UBASH3B: variants seen among roughly 807,000 people sequenced by gnomAD.
The protein encoded by UBASH3B is ubiquitin-associated and SH3 domain-containing protein B.
A neutral mutation model predicts 83.4 loss-of-function variants in UBASH3B; 37 were observed. The ratio of observed to expected loss-of-function variants is 0.44; its 90% CI spans 0.34 to 0.58. UBASH3B has a LOEUF of 0.58. Ranked by LOEUF, UBASH3B falls within the 20% of genes least tolerant of loss-of-function variation. The pLI, the probability that UBASH3B is intolerant of heterozygous loss-of-function variation, is 0.01. For missense variants in UBASH3B, 657 were observed against 827.2 expected (o/e 0.79, Z 2.52); for synonymous variants, 304 against 318.3 (o/e 0.96, Z 0.48).
In UBASH3B at chr11:122,777,051, C is replaced by T. The variant is rs780323668; in HGVS notation, c.243C>T (p.Phe81=). The T allele has an allele frequency of 1.9e-6, 3 of 1,612,660 alleles. No homozygotes were observed. Among genetic ancestry groups the T allele is most frequent in the Admixed American group, 1.7e-5 (1 of 59,816 alleles). The stretch of plus-strand genomic sequence containing the variant: ...TATTCTCCCATGTCGGTGACCCCTT[C>T]CTGGATGACCCCCTGCCCCGGGAGT... ...DWLFSHVGDP[F]LDDPLPREYV... is the part of the protein sequence containing the mutation. The change falls in exon 3 of 14, where the codon TTC becomes TTT. Residue 81 remains phenylalanine, a synonymous_variant. Transcript: ENST00000284273.
intron 1 of UBASH3B, among the ~76,000 whole-genome samples, chr11:122,747,539 A>C (rs942327205): frequency 1.3e-5 from 2 of 152,186 alleles, no homozygotes; most frequent in Non-Finnish European, 2.9e-5. Flanking sequence ...GAGAGTTATG[A>C]GACTTGACTG....
intron 1 of UBASH3B, among the ~76,000 whole-genome samples, chr11:122,658,604 G>C (rs1230548881): frequency 6.6e-6 from 1 of 152,200 alleles, no homozygotes; most frequent in Admixed American, 6.5e-5. Flanking sequence ...GGCAACTGAG[G>C]TTTAGAAGGG....
At chr11:122,713,501 C>T (rs73016294) in intron 1 of UBASH3B, among the ~76,000 whole-genome samples, 19,341 of 152,162 alleles carry the variant, frequency 0.13, 1,373 homozygotes, top group African/African-American at 0.18. Context: ...AGATATATTA[C>T]AGCTTTAGCC....
At chr11:122,695,837 GT>G (rs1863958678) in intron 1 of UBASH3B, among the ~76,000 whole-genome samples, 1 of 152,200 alleles carries the variant, frequency 6.6e-6, no homozygotes, top group South Asian at 2.1e-4. Context: ...AAAAAATGAA[GT>G]TTTCATTTAG....
chr11:122,792,618 CA>C (rs1298356786), intron 6 of UBASH3B, among the ~76,000 whole-genome samples: 7 of 152,142 alleles, frequency 4.6e-5, no homozygotes, highest in Admixed American at 4.6e-4. Context: ...TGTGCCCAGC[CA>C]AACTGGATTT....
At chr11:122,775,180 G>A (rs531386460) in intron 1 of UBASH3B, among the ~76,000 whole-genome samples, 1 of 152,364 alleles carries the variant, frequency 6.6e-6, no homozygotes, top group Admixed American at 6.5e-5. Flanking sequence ...CTGAATAAAT[G>A]TAAGCATGAA....
intron 1 of UBASH3B, among the ~76,000 whole-genome samples, chr11:122,667,368 A>G (rs1305726611): frequency 6.6e-6 from 1 of 152,078 alleles, no homozygotes; most frequent in African/African-American, 2.4e-5. Context: ...CTCTCTGTAT[A>G]TGTATGTATA....
At chr11:122,733,911 A>G (rs1235357535) in intron 1 of UBASH3B, among the ~76,000 whole-genome samples, 1 of 151,988 alleles carries the variant, frequency 6.6e-6, no homozygotes, top group East Asian at 1.9e-4. Context: ...TTTGAGACAG[A>G]GTCTCACTCT....
chr11:122,775,271 T>TA (rs1387828058), intron 1 of UBASH3B, among the ~76,000 whole-genome samples: 2 of 152,266 alleles, frequency 1.3e-5, no homozygotes, highest in African/African-American at 4.8e-5. Context: ...GACCTGTGTA[T>TA]ACTTTAAGAA....
chr11:122,658,773 C>T (rs1025546623), intron 1 of UBASH3B, among the ~76,000 whole-genome samples: 3 of 152,214 alleles, frequency 2.0e-5, no homozygotes, highest in African/African-American at 7.2e-5. Context: ...GTTCCTGGCA[C>T]ATAGTGAGCA....
intron 3 of UBASH3B, among the ~76,000 whole-genome samples, chr11:122,778,631 G>T (rs928302218): frequency 3.0e-5 from 4 of 132,652 alleles, no homozygotes; most frequent in Non-Finnish European, 4.6e-5. Flanking sequence ...TGGATATATA[G>T]TCTCTCTCTG....
intron 1 of UBASH3B, among the ~76,000 whole-genome samples, chr11:122,769,393 G>C (rs1238968401): frequency 6.6e-6 from 1 of 152,202 alleles, no homozygotes; most frequent in Non-Finnish European, 1.5e-5. Flanking sequence ...ATTTCAACAT[G>C]AGACTTGGTG....
intron 1 of UBASH3B, among the ~76,000 whole-genome samples, chr11:122,727,996 T>C (rs1448942559): frequency 7.4e-6 from 1 of 134,800 alleles, no homozygotes; most frequent in Non-Finnish European, 1.6e-5. Context: ...GCCCATCTTA[T>C]CATTATTATT....
chr11:122,706,106 C>CTTTTTTTTTTTTTTTCTT (rs36055058), intron 1 of UBASH3B, among the ~76,000 whole-genome samples: 1 of 127,034 alleles, frequency 7.9e-6, no homozygotes, highest in Non-Finnish European at 1.6e-5. Flanking sequence ...TCTTTTCTTT[C>CTTTTTTTTTTTTTTTCTT]TTTTTTTTTT....
chr11:122,761,022 C>T (rs1018916413), intron 1 of UBASH3B, among the ~76,000 whole-genome samples: 5 of 152,172 alleles, frequency 3.3e-5, no homozygotes, highest in African/African-American at 4.8e-5. Context: ...GGTTTGACTG[C>T]GCAGGAGTTT....
chr11:122,683,616 A>AT (rs61227812), intron 1 of UBASH3B, among the ~76,000 whole-genome samples: 1 of 150,330 alleles, frequency 6.7e-6, no homozygotes, highest in Non-Finnish European at 1.5e-5. Context: ...AAAAAAAAAA[A>AT]AAATAATAAT....
At chr11:122,775,914 G>A (rs1860723374) in intron 1 of UBASH3B, 1 of 285,314 alleles carries the variant, frequency 3.5e-6, no homozygotes, top group Non-Finnish European at 6.4e-6. Context: ...GAAAAACCAA[G>A]ACATGACAAC....
In UBASH3B at chr11:122,789,148, G is replaced by C; in HGVS notation, c.820G>C (p.Glu274Gln). Reference protein sequence around the residue: ...PYTPQNDDELELVPGDFIFMS... With the variant: ...PYTPQNDDELQLVPGDFIFMS... ...TACCCCACAAAATGACGATGAGCTG[G>C]AGCTGGTCCCCGGGGACTTCATCTT... Residue 274 changes from glutamate (E) to glutamine (Q), a missense_variant, in exon 6 of 14, where the codon GAG (glutamate) becomes CAG (glutamine). Physicochemically the swap from Glu to Gln is conservative, Grantham distance 29. Around this residue, in one of 3 missense-constraint regions of UBASH3B, gnomAD observed 573 missense variants for 739.0 expected, o/e 0.78. Coordinates refer to ENST00000284273, the MANE Select transcript of UBASH3B (RefSeq NM_032873.5). 1 of 1,614,012 alleles carries C rather than the reference G, an allele frequency of 6.2e-7. No homozygotes were observed. Among genetic ancestry groups the C allele is most frequent in the Non-Finnish European group, 8.5e-7 (1 of 1,180,012 alleles).
intron 1 of UBASH3B, among the ~76,000 whole-genome samples, chr11:122,733,488 G>A (rs981264670): frequency 1.3e-5 from 2 of 152,164 alleles, no homozygotes; most frequent in South Asian, 2.1e-4. Flanking sequence ...AGTGCCTCGC[G>A]CCAAAGCATG....
Sources: gnomAD v4.1 joint callset for allele counts (sites outside exome capture counted in the v4.1 genomes callset) on GRCh38, gnomAD v4.1.1 for gene constraint, gnomAD v4.1.1 regional missense constraint, MANE v1.5 for transcripts, NCBI Gene and HGNC (gene_info 2026-07-23, HGNC 2026-07-21) for gene names.